Variants in WNT7B observed in about 807,000 individuals in gnomAD.
The protein encoded by WNT7B is Wnt family member 7B.
WNT7B carries 19 observed loss-of-function variants against 38.2 expected under a neutral mutation model. The observed-to-expected ratio is 0.50, with a 90% CI of 0.35 to 0.73. WNT7B has a LOEUF of 0.73. WNT7B is among the 30% of genes least tolerant of loss of function. The probability of loss-of-function intolerance (pLI) is 0.01; values close to 1 mark genes in which losing one functional copy is unlikely to be tolerated. For missense variants in WNT7B, 423 were observed against 507.9 expected (o/e 0.83, Z 1.61); for synonymous variants, 243 against 209.3 (o/e 1.16, Z -1.39).
intron 1 of WNT7B, among the ~76,000 whole-genome samples, chr22:45,957,682 CAAAAAA>C (rs367797133): frequency 1.9e-4 from 7 of 36,012 alleles, no homozygotes; most frequent in East Asian, 1.6e-3. Context: ...GACTCCGTCT[CAAAAAA>C]AAAAAAAAAA....
Position 45,922,937 on chromosome 22 carries a change from C to G in WNT7B, c.969G>C (p.Gln323His). ...AGCACCAGTGGAATTTGCAGTTGCA[C>G]TGCCACACCTTGGTGTACTGGTGGG... ...YNTHQYTKVWQCNCKFHWCCF... is the reference protein window; with the variant it reads ...YNTHQYTKVWHCNCKFHWCCF... Residue 323 changes from glutamine (Q) to histidine (H), a missense_variant, in exon 4 of 4, where the codon CAG becomes CAC. Transcript: ENST00000339464. 5.6e-6 allele frequency: 9 copies of G among 1,613,160 alleles called. No individual in the cohort carries two copies. The highest frequency in any genetic ancestry group is 7.6e-6 in the Non-Finnish European group (9 of 1,179,618).
chr22:45,964,164 A>G (rs1427057313), intron 1 of WNT7B, among the ~76,000 whole-genome samples: 2 of 151,958 alleles, frequency 1.3e-5, no homozygotes, highest in South Asian at 2.1e-4. Flanking sequence ...TACTGCAGAC[A>G]TGGAGTGACT....
chr22:45,962,725 C>T (rs746698169), intron 1 of WNT7B, among the ~76,000 whole-genome samples: 1 of 152,270 alleles, frequency 6.6e-6, no homozygotes, highest in Non-Finnish European at 1.5e-5. Flanking sequence ...TGAGACCACA[C>T]AGCTAGCTGA....
In WNT7B at chr22:45,927,187, C is replaced by T. The variant is rs969880706; in HGVS notation, c.571-3852G>A. ...CCCACGTAGCAGTGGGGACCATGTG[C>T]CAGGGGCAGAGCTGGGGGCCGGGCA... is the stretch of plus-strand genomic sequence containing the variant. On this transcript the variant is annotated intron_variant, in intron 3 of 3. Coordinates refer to ENST00000339464, the MANE Select transcript of WNT7B (RefSeq NM_058238.3). The T allele has an allele frequency of 1.8e-5, 18 of 985,306 alleles. No homozygotes were observed. The African/African-American group carries it at 3.0e-4, about 16-fold the overall frequency. The allele number at this position is 985,306 out of a possible 1,614,324, so 61.0% of individuals were successfully genotyped here. A position where few individuals can be genotyped will look rare whatever the true frequency, so the allele number is the denominator to read the frequency against.
intron 1 of WNT7B, among the ~76,000 whole-genome samples, chr22:45,961,884 C>T (rs117373465): frequency 0.022 from 3,354 of 152,274 alleles, 67 homozygotes; most frequent in Non-Finnish European, 0.038. Context: ...CTCAGTTTGC[C>T]GGTCTGTTCA....
chr22:45,932,538 C>G (rs546110909), intron 2 of WNT7B, among the ~76,000 whole-genome samples: 1 of 152,130 alleles, frequency 6.6e-6, no homozygotes, highest in Non-Finnish European at 1.5e-5. Context: ...TCCGAAGACC[C>G]GAGATGGGCA....
At chr22:45,928,343 A>C (rs1446329267) in intron 3 of WNT7B, among the ~76,000 whole-genome samples, 2 of 152,106 alleles carry the variant, frequency 1.3e-5, no homozygotes, top group Admixed American at 1.3e-4. Context: ...CCGTGATGCC[A>C]CCACCCTCGG....
intron 1 of WNT7B, chr22:45,972,096 G>T (rs958165978): frequency 5.1e-6 from 3 of 587,626 alleles, no homozygotes; most frequent in African/African-American, 3.9e-5. Context: ...CCCGGTTCCA[G>T]CGCTGGAGGC....
chr22:45,941,765 T>G (rs1216496013), intron 2 of WNT7B, among the ~76,000 whole-genome samples: 1 of 152,202 alleles, frequency 6.6e-6, no homozygotes, highest in Admixed American at 6.5e-5. Context: ...CCCATGGAAC[T>G]GGGGCTTGTG....
intron 2 of WNT7B, among the ~76,000 whole-genome samples, chr22:45,939,453 C>G (rs1931589347): frequency 6.6e-6 from 1 of 152,126 alleles, no homozygotes; most frequent in Non-Finnish European, 1.5e-5. Context: ...TATTACTCAG[C>G]CTTAAAAAGG....
intron 2 of WNT7B, among the ~76,000 whole-genome samples, chr22:45,932,266 A>C (rs1027496974): frequency 1.3e-5 from 2 of 152,196 alleles, no homozygotes; most frequent in Admixed American, 6.5e-5. Context: ...TCCTCTGCCC[A>C]GAACAGTGAC....
chr22:45,971,492 A>G (rs1358669563), intron 1 of WNT7B, among the ~76,000 whole-genome samples: 1 of 151,824 alleles, frequency 6.6e-6, no homozygotes, highest in East Asian at 1.9e-4. Flanking sequence ...GGGCACACAC[A>G]CGCGCGCCCA....
In WNT7B at chr22:45,953,738, A is replaced by AG. The variant is rs1555909391; in HGVS notation, c.72-3593_72-3592insC. Among the ~76,000 whole-genome samples the AG allele has an allele frequency of 8.4e-4, 128 of 151,632 alleles. 1 individual carries two copies. Among genetic ancestry groups the AG allele is most frequent in the African/African-American group, 2.6e-3 (107 of 41,232 alleles). Reference sequence around the variant, plus strand: ...GGCTATGATTTAAAAAAAAAAAAAAAAAGAAGAAGAAGAAGAAAGAAAAGA... The same window carrying AG: ...GGCTATGATTTAAAAAAAAAAAAAAAGAAGAAGAAGAAGAAGAAAGAAAAGA... On this transcript the variant is annotated intron_variant, in intron 1 of 3. Coordinates refer to ENST00000339464, the MANE Select transcript of WNT7B (RefSeq NM_058238.3).
chr22:45,954,554 C>T (rs1042072047), intron 1 of WNT7B: 32 of 984,434 alleles, frequency 3.3e-5, no homozygotes, highest in Admixed American at 6.2e-5. Flanking sequence ...CACGCTTATC[C>T]GGGGTATGTG....
At chr22:45,931,038 G>C (rs1326382570) in intron 3 of WNT7B, 60 bp downstream of exon 3, 3 of 1,501,584 alleles carry the variant, frequency 2.0e-6, no homozygotes, top group Non-Finnish European at 2.7e-6. Context: ...GGCTCCGAGA[G>C]GTCAGCGGGT....
intron 1 of WNT7B, among the ~76,000 whole-genome samples, chr22:45,953,136 G>A (rs1931974197): frequency 1.8e-5 from 2 of 109,688 alleles, no homozygotes; most frequent in South Asian, 5.4e-4. Context: ...GTCCGTGCCC[G>A]GCTTCCCCTC....
Position 45,948,827 on chromosome 22 carries a change from CTTTTT to C in WNT7B, c.298+1088_298+1092del, listed in dbSNP as rs749735538. On this transcript the variant is annotated intron_variant, in intron 2 of 3. Coordinates refer to ENST00000339464, the MANE Select transcript of WNT7B (RefSeq NM_058238.3). ...AACCCAGGTCAGGCTCCAAAGATCC[CTTTTT>C]TTTTTTTTTTTTTTTTTTTTTTTTT... Among the ~76,000 whole-genome samples the C allele has an allele frequency of 3.3e-3, 295 of 90,174 alleles. 2 individuals carry two copies. The highest frequency in any genetic ancestry group is 0.011 in the African/African-American group (283 of 25,724). The allele number at this position is 90,174 out of a possible 152,430, so 59.2% of individuals were successfully genotyped here. A position where few individuals can be genotyped will look rare whatever the true frequency, so the allele number is the denominator to read the frequency against.
intron 2 of WNT7B, among the ~76,000 whole-genome samples, chr22:45,932,892 T>G (rs1389945458): frequency 6.6e-6 from 1 of 152,212 alleles, no homozygotes; most frequent in Non-Finnish European, 1.5e-5. Flanking sequence ...CAGCCCTCAG[T>G]TGCCCACTGC....
At chr22:45,925,188 C>G in intron 3 of WNT7B, 1 of 978,512 alleles carries the variant, frequency 1.0e-6, no homozygotes. Flanking sequence ...CCGGGTGGGC[C>G]CTAGGCTAGC....
Sources: gnomAD v4.1 joint callset for allele counts (sites outside exome capture counted in the v4.1 genomes callset) on GRCh38, gnomAD v4.1.1 for gene constraint, MANE v1.5 for transcripts, NCBI Gene and HGNC (gene_info 2026-07-23, HGNC 2026-07-21) for gene names.